Variants in OCA2 observed in about 807,000 individuals in gnomAD.
OCA2 encodes the protein P protein.
In OCA2, 77 loss-of-function variants were observed where a neutral mutation model predicts 100.2. The ratio of observed to expected loss-of-function variants is 0.77; its 90% CI spans 0.64 to 0.93. The LOEUF is 0.93. Ranked by LOEUF, OCA2 falls within the 40% of genes least tolerant of loss-of-function variation. The pLI is 0.00. For missense variants in OCA2, 1,062 were observed against 1,089.1 expected (o/e 0.98, Z 0.35); for synonymous variants, 432 against 439.2 (o/e 0.98, Z 0.21).
At chr15:28,027,825 G>A in intron 4 of OCA2, 46 bp downstream of exon 4, 1 of 1,597,924 alleles carries the variant, frequency 6.3e-7, no homozygotes, top group Non-Finnish European at 8.5e-7. Flanking sequence ...AGGACGCGAT[G>A]TGCGGCCACC....
intron 17 of OCA2, among the ~76,000 whole-genome samples, chr15:27,953,142 T>C (rs533174375): frequency 6.6e-6 from 1 of 152,320 alleles, no homozygotes; most frequent in Admixed American, 6.5e-5. Context: ...ATCATAGTGA[T>C]CTATAGCTAT....
intron 21 of OCA2, among the ~76,000 whole-genome samples, chr15:27,862,049 C>A (rs547079196): frequency 2.6e-5 from 4 of 152,350 alleles, no homozygotes; most frequent in African/African-American, 9.6e-5. Flanking sequence ...AGACAGAAAG[C>A]ATGGTCATCA....
At chr15:28,034,932 G>A (rs1287565358) in intron 2 of OCA2, among the ~76,000 whole-genome samples, 2 of 152,040 alleles carry the variant, frequency 1.3e-5, no homozygotes, top group African/African-American at 2.4e-5. Flanking sequence ...ACCCTCTGAC[G>A]AGAGGGTCAG....
chr15:28,025,934 CTTAGAT>C (rs1428852109), intron 4 of OCA2, among the ~76,000 whole-genome samples: 1 of 152,220 alleles, frequency 6.6e-6, no homozygotes, highest in Non-Finnish European at 1.5e-5. Flanking sequence ...TTTGCATTCT[CTTAGAT>C]TTAATGAATT....
intron 2 of OCA2, among the ~76,000 whole-genome samples, chr15:28,051,579 A>G (rs2043515365): frequency 7.1e-6 from 1 of 140,202 alleles, no homozygotes; most frequent in Non-Finnish European, 1.5e-5. Flanking sequence ...GGCATGAGCC[A>G]CTGCGCCTGG....
At chr15:27,837,251 A>G (rs2035188538) in intron 23 of OCA2, among the ~76,000 whole-genome samples, 1 of 152,366 alleles carries the variant, frequency 6.6e-6, no homozygotes, top group South Asian at 2.1e-4. Flanking sequence ...TTCCTTGGGC[A>G]TGGCAGAAAG....
At position 27,824,600 on chromosome 15, in the gene OCA2, C is replaced by CTA. The variant is rs1167846788; in HGVS notation, c.2432+20358_2432+20359insTA. 3.2e-3 allele frequency among the ~76,000 whole-genome samples: 125 copies of CTA among 38,510 alleles called. 2 individuals carry two copies. Among genetic ancestry groups the CTA allele is most frequent in the Admixed American group, 5.1e-3 (15 of 2,916 alleles). 25.3% of individuals were successfully genotyped at this position (38,510 alleles called of 152,430 possible). A position where few individuals can be genotyped will look rare whatever the true frequency, so the allele number is the denominator to read the frequency against. On this transcript the variant is annotated intron_variant, in intron 23 of 23. Coordinates refer to ENST00000354638, the MANE Select transcript of OCA2 (RefSeq NM_000275.3). ...AATTTCTCTCTCTCTCTCTCTCTCTCTCTATATATATATATATATATAATA... is the reference window on the plus strand; with the variant it reads ...AATTTCTCTCTCTCTCTCTCTCTCTCTATCTATATATATATATATATATAATA...
At chr15:27,916,354 G>A (rs1595639359) in intron 19 of OCA2, among the ~76,000 whole-genome samples, 4 of 151,742 alleles carry the variant, frequency 2.6e-5, no homozygotes, top group Admixed American at 6.6e-5. Flanking sequence ...AATGCAAATT[G>A]GAAAGAAAAA....
At chr15:27,801,377 C>A (rs1394949058) in intron 23 of OCA2, among the ~76,000 whole-genome samples, 1 of 151,904 alleles carries the variant, frequency 6.6e-6, no homozygotes, top group East Asian at 1.9e-4. Flanking sequence ...CATGGTGAAA[C>A]CCCATCTCTA....
intron 23 of OCA2, among the ~76,000 whole-genome samples, chr15:27,797,100 C>T (rs996455496): frequency 3.9e-5 from 6 of 152,202 alleles, no homozygotes; most frequent in Admixed American, 3.9e-4. Context: ...CACCTCTTCA[C>T]CTCCCTGGTG....
chr15:27,722,390 C>G, the OCA2 span, among the ~76,000 whole-genome samples: 2 of 152,220 alleles, frequency 1.3e-5, no homozygotes, highest in African/African-American at 4.8e-5. Context: ...GCCAGATCGC[C>G]TTTTCCTTCT....
chr15:27,847,927 C>T (rs1336919419), intron 22 of OCA2, among the ~76,000 whole-genome samples: 1 of 152,222 alleles, frequency 6.6e-6, no homozygotes, highest in Admixed American at 6.5e-5. Context: ...GCCGTCAGGA[C>T]CTGCTCCCTG....
At chr15:28,030,816 T>C (rs948923358) in intron 3 of OCA2, among the ~76,000 whole-genome samples, 2 of 152,144 alleles carry the variant, frequency 1.3e-5, no homozygotes, top group African/African-American at 4.8e-5. Context: ...GTTGAAACTT[T>C]AAATTATTTT....
At chr15:27,822,104 C>T (rs1443229806) in intron 23 of OCA2, among the ~76,000 whole-genome samples, 1 of 152,114 alleles carries the variant, frequency 6.6e-6, no homozygotes, top group Admixed American at 6.5e-5. Flanking sequence ...ATGCACCTAT[C>T]ATACCTGTAC....
chr15:27,957,971 T>A lies in OCA2; in HGVS notation c.1637-236A>T, dbSNP rs1481614446. Among the ~76,000 whole-genome samples the A allele has an allele frequency of 6.6e-6, 1 of 152,146 alleles. No individual in the cohort carries two copies. Among genetic ancestry groups the A allele is most frequent in the Non-Finnish European group, 1.5e-5 (1 of 68,026 alleles). ...CAAGGACAAAAAACCAAACACCACA[T>A]GTTCTCACTCATAGGTGGGAATTGA... is the stretch of plus-strand genomic sequence containing the variant. On this transcript the variant is annotated intron_variant, in intron 15 of 23. Coordinates refer to ENST00000354638, the MANE Select transcript of OCA2 (RefSeq NM_000275.3). This position sits in a 1 kb window ranked among gnomAD's most constrained non-coding sequence, Gnocchi z 4.3.
rs180972914 is a variant in OCA2 at position 27,856,949 on chromosome 15, G to A, written c.2245-5474C>T. 1.0e-3 allele frequency among the ~76,000 whole-genome samples: 153 copies of A among 152,256 alleles called. 2 individuals carry two copies. The highest frequency in any genetic ancestry group is 3.6e-3 in the African/African-American group (150 of 41,540). On this transcript the variant is annotated intron_variant, in intron 21 of 23. Transcript: ENST00000354638. ...ATTACCACAACATAATACTCAAAAT[G>A]TTCAGCTCTTAACAAAGAAGATTAC...
intron 14 of OCA2, among the ~76,000 whole-genome samples, chr15:27,972,264 G>A (rs2040816404): frequency 1.3e-5 from 2 of 152,076 alleles, no homozygotes; most frequent in Non-Finnish European, 2.9e-5. Flanking sequence ...AGGCATTTAG[G>A]TTGAGTCCAT....
intron 23 of OCA2, among the ~76,000 whole-genome samples, chr15:27,770,961 T>TC (rs1297335247): frequency 6.8e-5 from 5 of 73,952 alleles, no homozygotes; most frequent in African/African-American, 1.2e-4. Context: ...CATCTTTCCT[T>TC]CCTCCCTCCC....
intron 23 of OCA2, among the ~76,000 whole-genome samples, chr15:27,815,339 T>G (rs994607342): frequency 3.9e-5 from 6 of 152,148 alleles, no homozygotes; most frequent in Non-Finnish European, 4.4e-5. Flanking sequence ...ACGGTGCATC[T>G]GCAGCAGGGC....
Sources: gnomAD v4.1 joint callset for allele counts (sites outside exome capture counted in the v4.1 genomes callset) on GRCh38, gnomAD v4.1.1 for gene constraint, Gnocchi (gnomAD v3.1) non-coding constraint, MANE v1.5 for transcripts, NCBI Gene and HGNC (gene_info 2026-07-23, HGNC 2026-07-21) for gene names.